The following TXNDC16 variants were observed in gnomAD, a reference collection of about 807,000 sequenced individuals.
The protein encoded by TXNDC16 is thioredoxin domain-containing protein 16.
In TXNDC16, 74 loss-of-function variants were observed where a neutral mutation model predicts 85.6. The observed-to-expected ratio is 0.86, with a 90% CI of 0.72 to 1.05. The LOEUF is 1.05. Among genes scored for constraint, TXNDC16 ranks in the 50% least tolerant of loss-of-function variants. The pLI, the probability that TXNDC16 is intolerant of heterozygous loss-of-function variation, is 0.00. For synonymous variants in TXNDC16, 335 were observed against 326.5 expected, an observed-to-expected ratio of 1.03 and a Z score of -0.28; for missense variants, 959 against 947.0, an observed-to-expected ratio of 1.01 and a Z score of -0.17.
chr14:52,438,105 C>G (rs2140099824), intron 20 of TXNDC16, among the ~76,000 whole-genome samples: 1 of 152,248 alleles, frequency 6.6e-6, no homozygotes, highest in African/African-American at 2.4e-5. Context: ...CATGAATAAG[C>G]AAGGAAAGCG....
rs187498213 is a variant in TXNDC16, at chr14:52,498,978, A to G, written c.757-7973T>C. On this transcript the variant is annotated intron_variant, in intron 9 of 20. Coordinates refer to ENST00000281741, the MANE Select transcript of TXNDC16 (RefSeq NM_020784.3). ...AGTACTGGCATAAAAACAGACACAT[A>G]GACCAATGGAACAAAATAGAGAGCC... Among the ~76,000 whole-genome samples the G allele has an allele frequency of 4.5e-4, 68 of 152,306 alleles. No individual in the cohort carries two copies. The Middle Eastern group carries it at 0.014, about 30-fold the overall frequency.
At chr14:52,481,794 T>C (rs1325425906) in intron 14 of TXNDC16, among the ~76,000 whole-genome samples, 2 of 152,098 alleles carry the variant, frequency 1.3e-5, no homozygotes, top group African/African-American at 2.4e-5. Flanking sequence ...TAAAAAGCAT[T>C]CCATCCATGA....
chr14:52,504,373 C>T (rs1348037813), intron 9 of TXNDC16, among the ~76,000 whole-genome samples: 3 of 152,234 alleles, frequency 2.0e-5, no homozygotes, highest in Non-Finnish European at 4.4e-5. Context: ...GCTGATCTCT[C>T]AGCAGAAACT....
At chr14:52,492,877 C>T (rs1187053454) in intron 9 of TXNDC16, among the ~76,000 whole-genome samples, 2 of 152,196 alleles carry the variant, frequency 1.3e-5, no homozygotes, top group Non-Finnish European at 2.9e-5. Flanking sequence ...AAGTCTCCCC[C>T]AACCCCAACT....
intron 9 of TXNDC16, among the ~76,000 whole-genome samples, chr14:52,505,000 C>G (rs964306855): frequency 6.6e-6 from 1 of 152,144 alleles, no homozygotes. Flanking sequence ...GTAAAGGTAT[C>G]AATTCAAAAA....
chr14:52,533,889 C>G (rs1219645259), intron 6 of TXNDC16, among the ~76,000 whole-genome samples: 1 of 152,096 alleles, frequency 6.6e-6, no homozygotes, highest in Admixed American at 6.5e-5. Context: ...AAGGAGGCCT[C>G]AAAATGGAGG....
chr14:52,514,576 C>T (rs905836051), intron 8 of TXNDC16, among the ~76,000 whole-genome samples: 1 of 152,078 alleles, frequency 6.6e-6, no homozygotes, highest in African/African-American at 2.4e-5. Context: ...TTATTTTACC[C>T]CCTATCTGAT....
chr14:52,491,497 C>A (rs778667945), intron 9 of TXNDC16, among the ~76,000 whole-genome samples: 3 of 151,510 alleles, frequency 2.0e-5, no homozygotes, highest in Non-Finnish European at 4.4e-5. Flanking sequence ...CGTGCCTGGC[C>A]CCCTATAAGT....
At chr14:52,461,765 A>C (rs1046138025) in intron 16 of TXNDC16, among the ~76,000 whole-genome samples, 8 of 152,348 alleles carry the variant, frequency 5.3e-5, no homozygotes, top group South Asian at 4.1e-4. Context: ...CATTGACGAC[A>C]TGCCTCCAGG....
In TXNDC16 at chr14:52,455,528, G is replaced by A. The variant is rs207474849; in HGVS notation, c.1704-66C>T. The A allele has an allele frequency of 6.9e-6, 11 of 1,586,732 alleles. No homozygotes were observed. The South Asian group carries it at 1.1e-4, about 16-fold the overall frequency. Reference sequence around the variant, plus strand: ...AGCATGTCAAAAACATGAAAATCTAGGCTAGGAGGTCACAGTGTGAGGCAG... The same window carrying A: ...AGCATGTCAAAAACATGAAAATCTAAGCTAGGAGGTCACAGTGTGAGGCAG... On this transcript the variant is annotated intron_variant, in intron 17 of 20. Transcript: ENST00000281741.
intron 9 of TXNDC16, among the ~76,000 whole-genome samples, chr14:52,504,579 A>G (rs2036745602): frequency 6.6e-6 from 1 of 152,236 alleles, no homozygotes; most frequent in African/African-American, 2.4e-5. Flanking sequence ...AGCAATAAAC[A>G]TGGAAAGGAA....
rs78028683 is a variant in TXNDC16 at position 52,496,554 on chromosome 14, A to G, written c.757-5549T>C. ...TCTGTCTCTTACCATACAAGTTGGT[A>G]TAATTCTTTTAAAATCTTGTGGGTT... On this transcript the variant is annotated intron_variant, in intron 9 of 20. Transcript: ENST00000281741. 4.8e-3 allele frequency among the ~76,000 whole-genome samples: 733 copies of G among 151,312 alleles called. 13 individuals are homozygous for G. Among genetic ancestry groups the G allele is most frequent in the Admixed American group, 0.039 (596 of 15,138 alleles).
intron 6 of TXNDC16, among the ~76,000 whole-genome samples, chr14:52,527,708 T>C (rs1387756517): frequency 6.6e-6 from 1 of 152,182 alleles, no homozygotes; most frequent in African/African-American, 2.4e-5. Context: ...ACCGTGCTAC[T>C]CTGGCTGCTG....
chr14:52,548,764 C>A (rs563692738), intron 1 of TXNDC16, among the ~76,000 whole-genome samples: 1 of 152,052 alleles, frequency 6.6e-6, no homozygotes, highest in African/African-American at 2.4e-5. Context: ...TACCTGTAAT[C>A]CCAGCTACTC....
At chr14:52,447,105 G>A (rs558181955) in intron 18 of TXNDC16, among the ~76,000 whole-genome samples, 2 of 152,100 alleles carry the variant, frequency 1.3e-5, no homozygotes, top group East Asian at 3.9e-4. Context: ...GCGGGTTTTG[G>A]GGGGGCCACA....
At chr14:52,484,182 T>G (rs1460859875) in intron 12 of TXNDC16, among the ~76,000 whole-genome samples, 1 of 135,318 alleles carries the variant, frequency 7.4e-6, no homozygotes, top group Middle Eastern at 3.5e-3. Context: ...TGTTTTGGAT[T>G]TGCTACAAAA....
intron 1 of TXNDC16, among the ~76,000 whole-genome samples, chr14:52,547,245 A>T (rs947850251): frequency 9.2e-5 from 14 of 152,198 alleles, no homozygotes; most frequent in Non-Finnish European, 1.5e-4. Context: ...CCAATTTCAG[A>T]TGTGGCCAAG....
chr14:52,533,263 G>A (rs2037624680), intron 6 of TXNDC16, among the ~76,000 whole-genome samples: 1 of 152,168 alleles, frequency 6.6e-6, no homozygotes, highest in Admixed American at 6.5e-5. Flanking sequence ...TCAGACTAGA[G>A]CTGGGTAGCA....
intron 16 of TXNDC16, among the ~76,000 whole-genome samples, chr14:52,463,481 C>G (rs1423544436): frequency 6.6e-6 from 1 of 152,136 alleles, no homozygotes; most frequent in Non-Finnish European, 1.5e-5. Flanking sequence ...GGCAGCCCCC[C>G]CAAACCAGAA....
Sources: allele counts gnomAD v4.1 joint callset (sites outside exome capture counted in the v4.1 genomes callset), GRCh38; gene constraint gnomAD v4.1.1; transcripts MANE v1.5; gene names NCBI Gene and HGNC (gene_info 2026-07-23, HGNC 2026-07-21).